NR3C2: variants seen among roughly 807,000 people sequenced by gnomAD.
NR3C2 encodes the protein nuclear receptor subfamily 3 group C member 2.
NR3C2 carries 15 observed loss-of-function variants against 86.4 expected under a neutral mutation model. The ratio of observed to expected loss-of-function variants is 0.17; its 90% CI spans 0.12 to 0.27. The LOEUF is 0.27. Ranked by LOEUF, NR3C2 falls within the 10% of genes least tolerant of loss-of-function variation. The probability of loss-of-function intolerance (pLI) is 1.00; values close to 1 mark genes in which losing one functional copy is unlikely to be tolerated. For synonymous variants in NR3C2, 458 were observed against 450.5 expected, an observed-to-expected ratio of 1.02 and a Z score of -0.21; for missense variants, 960 against 1,195.6, an observed-to-expected ratio of 0.80 and a Z score of 2.91.
intron 6 of NR3C2, among the ~76,000 whole-genome samples, chr4:148,143,078 T>G (rs758887682): frequency 6.6e-5 from 10 of 152,182 alleles, no homozygotes; most frequent in Non-Finnish European, 1.5e-4. Context: ...TTTCCCAGTC[T>G]CAGGTATTTC....
At chr4:148,258,741 T>C (rs1294485536) in intron 3 of NR3C2, among the ~76,000 whole-genome samples, 3 of 152,204 alleles carry the variant, frequency 2.0e-5, no homozygotes, top group African/African-American at 7.2e-5. Context: ...GCGAGCGGGA[T>C]TGAGTTCTAA....
At chr4:148,162,145 G>T (rs1279891205) in intron 4 of NR3C2, among the ~76,000 whole-genome samples, 11 of 152,120 alleles carry the variant, frequency 7.2e-5, no homozygotes, top group Admixed American at 7.2e-4. Flanking sequence ...GGGCAGAGGG[G>T]CTCAAGGGAA....
intron 2 of NR3C2, among the ~76,000 whole-genome samples, chr4:148,305,089 T>C (rs964381275): frequency 3.3e-5 from 5 of 152,026 alleles, no homozygotes; most frequent in African/African-American, 1.2e-4. Context: ...AAATAAAAAC[T>C]TAATCATTTG....
intron 2 of NR3C2, among the ~76,000 whole-genome samples, chr4:148,394,172 G>A (rs1465487643): frequency 6.6e-6 from 1 of 152,144 alleles, no homozygotes; most frequent in African/African-American, 2.4e-5. Flanking sequence ...AAACTCTCCA[G>A]CCCCAGTGAA....
chr4:148,433,505 A>G (rs1182448076), intron 2 of NR3C2, among the ~76,000 whole-genome samples: 3 of 152,204 alleles, frequency 2.0e-5, no homozygotes, highest in Non-Finnish European at 4.4e-5. Flanking sequence ...ATTATAAAAC[A>G]ATTTCATAAT....
intron 3 of NR3C2, among the ~76,000 whole-genome samples, chr4:148,213,459 ATAAC>A (rs1737380134): frequency 1.3e-5 from 2 of 152,194 alleles, no homozygotes; most frequent in South Asian, 4.1e-4. Context: ...GTGTTACCTA[ATAAC>A]TTACTCACAA....
At chr4:148,426,635 T>C (rs1197680701) in intron 2 of NR3C2, among the ~76,000 whole-genome samples, 1 of 152,230 alleles carries the variant, frequency 6.6e-6, no homozygotes, top group African/African-American at 2.4e-5. Flanking sequence ...GTTGTTCATC[T>C]TCTCAGTGGG....
chr4:148,145,535 T>C (rs1733827024), intron 6 of NR3C2, among the ~76,000 whole-genome samples: 1 of 152,250 alleles, frequency 6.6e-6, no homozygotes, highest in Admixed American at 6.5e-5. Context: ...CTGTGTAACA[T>C]TTGCCTCAGT....
chr4:148,274,006 C>CA (rs1483880953), intron 2 of NR3C2, among the ~76,000 whole-genome samples: 2 of 150,842 alleles, frequency 1.3e-5, no homozygotes, highest in Non-Finnish European at 2.9e-5. Context: ...ACACTAGGAG[C>CA]ACTGGAACCC....
At chr4:148,399,725 A>G (rs575922007) in intron 2 of NR3C2, among the ~76,000 whole-genome samples, 1 of 151,706 alleles carries the variant, frequency 6.6e-6, no homozygotes, top group East Asian at 1.9e-4. Context: ...TATATACACA[A>G]ACTCACCAAT....
chr4:148,345,060 A>G, intron 2 of NR3C2, among the ~76,000 whole-genome samples: 1 of 152,150 alleles, frequency 6.6e-6, no homozygotes, highest in East Asian at 1.9e-4. Flanking sequence ...TAAACATTCA[A>G]CAAAATCTCA....
chr4:148,096,055 T>C (rs1344214185), intron 8 of NR3C2, among the ~76,000 whole-genome samples: 2 of 152,216 alleles, frequency 1.3e-5, no homozygotes, highest in Non-Finnish European at 2.9e-5. Context: ...TTTTTTTGTT[T>C]AATTTTATTT....
chr4:148,098,728 T>C (rs1731406686), intron 8 of NR3C2, among the ~76,000 whole-genome samples: 1 of 152,230 alleles, frequency 6.6e-6, no homozygotes, highest in African/African-American at 2.4e-5. Flanking sequence ...GTATTGACTG[T>C]CTGCAGTTTA....
At chr4:148,349,837 A>T (rs192915943) in intron 2 of NR3C2, among the ~76,000 whole-genome samples, 2 of 152,280 alleles carry the variant, frequency 1.3e-5, no homozygotes, top group Non-Finnish European at 2.9e-5. Flanking sequence ...TTTATGGTCT[A>T]TATTGTTGGT....
chr4:148,193,419 T>C (rs1192147684), intron 4 of NR3C2, among the ~76,000 whole-genome samples: 1 of 152,192 alleles, frequency 6.6e-6, no homozygotes, highest in Non-Finnish European at 1.5e-5. Flanking sequence ...GCAGTGGATC[T>C]GGAGCTAAAA....
intron 6 of NR3C2, 130 bp from the exon 7 acceptor site, chr4:148,120,418 G>A: frequency 2.8e-6 from 3 of 1,057,440 alleles, no homozygotes; most frequent in Non-Finnish European, 4.3e-6. Flanking sequence ...GAGCAGATGT[G>A]TATTTTAAAG....
intron 2 of NR3C2, among the ~76,000 whole-genome samples, chr4:148,346,013 C>T (rs958627996): frequency 2.6e-5 from 4 of 151,944 alleles, no homozygotes; most frequent in African/African-American, 9.7e-5. Context: ...AATGTTGCTA[C>T]ATAAGAGGAG....
Position 148,081,235 on chromosome 4 carries a change from AAC to A in NR3C2, c.*107_*108del. 7.0e-7 allele frequency: 1 copy of A among 1,420,792 alleles called. No individual in the cohort carries two copies. The highest frequency in any genetic ancestry group is 1.2e-5 in the South Asian group (1 of 83,086). The allele number at this position is 1,420,792 out of a possible 1,614,324, so 88.0% of individuals were successfully genotyped here. On this transcript the variant is annotated 3_prime_UTR_variant, in exon 9 of 9. Transcript: ENST00000358102. ...TGACTTTAAACTTGAGAAACTGTTG[AAC>A]AAGTGTGAATCAACCATCACATGTT...
intron 6 of NR3C2, among the ~76,000 whole-genome samples, chr4:148,126,414 T>C (rs1220633090): frequency 1.3e-5 from 2 of 152,172 alleles, no homozygotes; most frequent in Non-Finnish European, 2.9e-5. Flanking sequence ...TAAAATAAGT[T>C]TTCAGGAATA....
Sources: gnomAD v4.1 joint callset for allele counts (sites outside exome capture counted in the v4.1 genomes callset) on GRCh38, gnomAD v4.1.1 for gene constraint, MANE v1.5 for transcripts, NCBI Gene and HGNC (gene_info 2026-07-23, HGNC 2026-07-21) for gene names.